Variants in ZNF454 observed in about 807,000 individuals in gnomAD.
ZNF454 encodes zinc finger protein 454.
In ZNF454, 30 loss-of-function variants were observed where a neutral mutation model predicts 48.2. The ratio of observed to expected loss-of-function variants is 0.62; its 90% CI spans 0.47 to 0.84. The LOEUF is 0.84. Ranked by LOEUF, ZNF454 falls within the 40% of genes least tolerant of loss-of-function variation. The pLI is 0.00. For synonymous variants in ZNF454, 204 were observed against 211.4 expected (o/e 0.97, Z 0.30); for missense variants, 510 against 623.1 (o/e 0.82, Z 1.93).
chr5:178,975,646 A>G, the ZNF454 span: 3 of 377,196 alleles, frequency 8.0e-6, no homozygotes, highest in Non-Finnish European at 1.7e-5. Flanking sequence ...AAAGTCCTTG[A>G]TTTTAGTGGC....
the ZNF454 span, among the ~76,000 whole-genome samples, chr5:178,972,994 T>TA: frequency 0.24 from 33,138 of 135,500 alleles, 4,043 homozygotes; most frequent in Non-Finnish European, 0.3. Flanking sequence ...AGTAAATAGG[T>TA]AAAAAAAAAA....
At chr5:178,984,853 C>T in the ZNF454 span, among the ~76,000 whole-genome samples, 20 of 152,210 alleles carry the variant, frequency 1.3e-4, no homozygotes, top group South Asian at 2.1e-4. Context: ...AGCAGGTGTT[C>T]GCACTGAGGC....
chr5:178,986,760 C>G, the ZNF454 span: 1 of 1,608,990 alleles, frequency 6.2e-7, no homozygotes, highest in Non-Finnish European at 8.5e-7. Context: ...CCACCTGGGA[C>G]GCACAAAACA....
chr5:178,948,663 T>C (rs1354142439), intron 4 of ZNF454, among the ~76,000 whole-genome samples: 1 of 152,202 alleles, frequency 6.6e-6, no homozygotes, highest in African/African-American at 2.4e-5. Context: ...GATGCCGCAC[T>C]GAGGCTGGTT....
downstream of ZNF454, chr5:178,968,779 TC>T (rs1561710794): frequency 4.4e-6 from 2 of 456,622 alleles, no homozygotes; most frequent in Admixed American, 4.7e-5. Flanking sequence ...GGTGGTTTTG[TC>T]TATCTGTAAT....
chr5:178,967,964 C>G (rs1004127668), downstream of ZNF454, among the ~76,000 whole-genome samples: 7 of 152,062 alleles, frequency 4.6e-5, no homozygotes, highest in African/African-American at 1.7e-4. Flanking sequence ...TGGTCTCAAA[C>G]TCCTGACCTT....
Position 178,956,519 on chromosome 5 carries a change from GAAA to G in ZNF454, c.251-8119_251-8117del, listed in dbSNP as rs397955241. On this transcript the variant is annotated intron_variant, in intron 4 of 4. Coordinates refer to ENST00000519564, the MANE Select transcript of ZNF454 (RefSeq NM_001178089.3). ...CAACTTTGTTTTGCTCTCCTGAAAA[GAAA>G]AAAAAAAAAAAAAAAAGCCTCAAGT... Among the ~76,000 whole-genome samples the G allele has an allele frequency of 4.2e-3, 473 of 112,376 alleles. 3 individuals carry two copies. The highest frequency in any genetic ancestry group is 0.015 in the African/African-American group (436 of 28,414). The allele number at this position is 112,376 out of a possible 152,430, so 73.7% of individuals were successfully genotyped here.
At position 178,956,671 on chromosome 5, in the gene ZNF454, TTTAATTTATTTATTTA is replaced by T. The variant is rs1321286369; in HGVS notation, c.251-7981_251-7966del. ...TTAAACCAGTCTTTATTTTATTTTA[TTTAATTTATTTATTTA>T]TTTATTTATTTATTTATTTATTTAT... On this transcript the variant is annotated intron_variant, in intron 4 of 4. Coordinates refer to ENST00000519564, the MANE Select transcript of ZNF454 (RefSeq NM_001178089.3). Among the ~76,000 whole-genome samples, 350 of 121,006 alleles carry T rather than the reference TTTAATTTATTTATTTA, an allele frequency of 2.9e-3. 4 individuals carry two copies. The highest frequency in any genetic ancestry group is 0.019 in the East Asian group (79 of 4,142). The allele number at this position is 121,006 out of a possible 152,430, so 79.4% of individuals were successfully genotyped here.
intron 2 of ZNF454, among the ~76,000 whole-genome samples, chr5:178,945,386 TGA>T (rs1421158938): frequency 6.8e-6 from 1 of 146,512 alleles, no homozygotes; most frequent in Admixed American, 6.8e-5. Context: ...TGTCTGTGTG[TGA>T]GTTTATGTGT....
chr5:178,950,429 T>C (rs1759506806), intron 4 of ZNF454, among the ~76,000 whole-genome samples: 1 of 152,210 alleles, frequency 6.6e-6, no homozygotes, highest in Non-Finnish European at 1.5e-5. Flanking sequence ...TTTGGACTGA[T>C]GTAATGCTGC....
At chr5:178,960,280 G>A (rs1444106160) in intron 4 of ZNF454, among the ~76,000 whole-genome samples, 6 of 127,078 alleles carry the variant, frequency 4.7e-5, no homozygotes, top group South Asian at 2.5e-4. Context: ...TTTTTGAAAC[G>A]TAGTTTCGCT....
chr5:178,948,761 T>C (rs541518808), intron 4 of ZNF454, among the ~76,000 whole-genome samples: 1 of 151,818 alleles, frequency 6.6e-6, no homozygotes, highest in South Asian at 2.1e-4. Flanking sequence ...TCCCATTTCC[T>C]ATTAAAATTT....
chr5:178,964,848 A>C lies in ZNF454; in HGVS notation c.444A>C (p.Pro148=), dbSNP rs756394064. Residue 148 remains proline (P), a synonymous_variant, in exon 5 of 5, where the codon CCA becomes CCC. Coordinates refer to ENST00000519564, the MANE Select transcript of ZNF454 (RefSeq NM_001178089.3). ...TGGTACTCACTCACCCCAACACCCCATCACAGGAATGTGATGAATCCGGGA... is the reference window on the plus strand; with the variant it reads ...TGGTACTCACTCACCCCAACACCCCCTCACAGGAATGTGATGAATCCGGGA... ...QRVVLTHPNT[P]SQECDESGST... 1 of 1,614,226 alleles carries C rather than the reference A, an allele frequency of 6.2e-7. No homozygotes were observed. The highest frequency in any genetic ancestry group is 8.5e-7 in the Non-Finnish European group (1 of 1,180,046).
the ZNF454 span, chr5:178,985,182 G>T: frequency 2.3e-6 from 1 of 437,828 alleles, no homozygotes; most frequent in Admixed American, 2.5e-5. Context: ...GTGGAAACAG[G>T]AAAACCGGTC....
chr5:178,985,628 G>C, the ZNF454 span: 4 of 370,154 alleles, frequency 1.1e-5, no homozygotes, highest in South Asian at 2.0e-5. Flanking sequence ...GCGTGAACCC[G>C]GAAGGCAGAG....
At chr5:178,986,682 C>A in the ZNF454 span, 1 of 1,603,712 alleles carries the variant, frequency 6.2e-7, no homozygotes, top group South Asian at 1.1e-5. Context: ...TCCGCTCCCC[C>A]GGCCCGCAGG....
At chr5:178,989,376 G>A in the ZNF454 span, 1 of 1,614,110 alleles carries the variant, frequency 6.2e-7, no homozygotes, top group Non-Finnish European at 8.5e-7. Flanking sequence ...TTGTTCTCCA[G>A]GGATCGAGTC....
chr5:178,952,883 C>A (rs1581867220), intron 4 of ZNF454, among the ~76,000 whole-genome samples: 1 of 151,742 alleles, frequency 6.6e-6, no homozygotes, highest in East Asian at 1.9e-4. Flanking sequence ...TTTCCTTCAA[C>A]TTTTTTGGAG....
At chr5:178,948,396 C>A (rs1033567371) in intron 4 of ZNF454, among the ~76,000 whole-genome samples, 2 of 152,154 alleles carry the variant, frequency 1.3e-5, no homozygotes, top group African/African-American at 4.8e-5. Context: ...AAAAGAAATT[C>A]ATCCACAGTT....
Sources: allele counts gnomAD v4.1 joint callset (sites outside exome capture counted in the v4.1 genomes callset), GRCh38; gene constraint gnomAD v4.1.1; transcripts MANE v1.5; gene names NCBI Gene and HGNC (gene_info 2026-07-23, HGNC 2026-07-21).